Variants in CCDC170 observed in about 807,000 individuals in gnomAD.
CCDC170 encodes coiled-coil domain-containing protein 170.
A neutral mutation model predicts 72.6 loss-of-function variants in CCDC170; 69 were observed. That is an observed-to-expected ratio of 0.95 (90% CI 0.78 to 1.16). The LOEUF (loss-of-function observed/expected upper bound fraction) is 1.16. CCDC170 is among the 50% of genes most tolerant of loss of function. CCDC170 has a pLI of 0.00. For missense variants in CCDC170, 852 were observed against 832.5 expected (o/e 1.02, Z -0.29); for synonymous variants, 300 against 303.9 (o/e 0.99, Z 0.13).
At chr6:151,604,260 AT>A (rs34498010) in intron 9 of CCDC170, among the ~76,000 whole-genome samples, 1 of 151,986 alleles carries the variant, frequency 6.6e-6, no homozygotes, top group East Asian at 1.9e-4. Context: ...GCCTTTCTTA[AT>A]TTTTTTCCCC....
At chr6:151,544,829 C>T in intron 4 of CCDC170, 113 bp downstream of exon 4, 3 of 957,816 alleles carry the variant, frequency 3.1e-6, no homozygotes, top group Non-Finnish European at 4.7e-6. Flanking sequence ...CACAGTAGAC[C>T]AAGTGTAGTA....
At chr6:151,525,152 T>A (rs1380938270) in intron 1 of CCDC170, among the ~76,000 whole-genome samples, 1 of 152,180 alleles carries the variant, frequency 6.6e-6, no homozygotes, top group Non-Finnish European at 1.5e-5. Context: ...CAGGATAGTC[T>A]CAATCTCCTG....
intron 1 of CCDC170, among the ~76,000 whole-genome samples, chr6:151,511,146 C>T (rs190387589): frequency 4.8e-4 from 73 of 152,296 alleles, no homozygotes; most frequent in African/African-American, 1.4e-3. Context: ...CTGTCTACTA[C>T]GCTTTCCAGT....
chr6:151,517,737 C>T (rs758703793), intron 1 of CCDC170, among the ~76,000 whole-genome samples: 27 of 152,134 alleles, frequency 1.8e-4, no homozygotes, highest in Non-Finnish European at 2.2e-4. Context: ...CCACCGTGCC[C>T]GGCCACTAAT....
intron 1 of CCDC170, among the ~76,000 whole-genome samples, chr6:151,529,806 G>T (rs1426925948): frequency 6.6e-6 from 1 of 152,162 alleles, no homozygotes; most frequent in Non-Finnish European, 1.5e-5. Context: ...GAATACCACA[G>T]ACTGAGTAAT....
intron 5 of CCDC170, among the ~76,000 whole-genome samples, chr6:151,557,612 A>G (rs1783004450): frequency 6.6e-6 from 1 of 152,172 alleles, no homozygotes; most frequent in Non-Finnish European, 1.5e-5. Context: ...AGAAATCTCC[A>G]TACTGTGTTC....
At chr6:151,502,407 C>T (rs1782005213) in intron 1 of CCDC170, among the ~76,000 whole-genome samples, 1 of 152,206 alleles carries the variant, frequency 6.6e-6, no homozygotes, top group Non-Finnish European at 1.5e-5. Flanking sequence ...ACTGAAATGA[C>T]TTCCTTTTCA....
At chr6:151,553,987 C>T (rs11759804) in intron 5 of CCDC170, among the ~76,000 whole-genome samples, 24,009 of 152,040 alleles carry the variant, frequency 0.16, 2,365 homozygotes, top group East Asian at 0.5. Flanking sequence ...GTGGTTTCTA[C>T]ATAACTCAGC....
chr6:151,531,319 C>T (rs1000879515), intron 1 of CCDC170, among the ~76,000 whole-genome samples: 11 of 152,156 alleles, frequency 7.2e-5, no homozygotes, highest in Non-Finnish European at 1.3e-4. Context: ...AAAATAAAAT[C>T]AGGCCAGGCA....
intron 5 of CCDC170, among the ~76,000 whole-genome samples, chr6:151,568,993 A>G (rs1776179655): frequency 6.6e-6 from 1 of 152,228 alleles, no homozygotes; most frequent in Admixed American, 6.5e-5. Context: ...TTTGTTATGT[A>G]TTTATGCCAA....
rs555873152 is a variant in CCDC170 at position 151,564,588 on chromosome 6, G to T, written c.775-8586G>T. On this transcript the variant is annotated intron_variant, in intron 5 of 10. Coordinates refer to ENST00000239374, the MANE Select transcript of CCDC170 (RefSeq NM_025059.4). ...CTTTGGCTCTCAAGCTGTCTGTGCTGGTGTTGACAGTGGCTGTGATGGCTG... is the reference window on the plus strand; with the variant it reads ...CTTTGGCTCTCAAGCTGTCTGTGCTTGTGTTGACAGTGGCTGTGATGGCTG... 8.7e-4 allele frequency among the ~76,000 whole-genome samples: 132 copies of T among 152,296 alleles called. 1 individual carries two copies. Among genetic ancestry groups the T allele is most frequent in the African/African-American group, 3.1e-3 (127 of 41,562 alleles).
At chr6:151,525,056 C>T (rs1416105998) in intron 1 of CCDC170, among the ~76,000 whole-genome samples, 1 of 151,812 alleles carries the variant, frequency 6.6e-6, no homozygotes, top group African/African-American at 2.4e-5. Context: ...CTTCAGCCTC[C>T]CTAGTGGCTG....
intron 6 of CCDC170, among the ~76,000 whole-genome samples, chr6:151,585,482 C>G (rs1159987661): frequency 1.3e-5 from 2 of 152,186 alleles, no homozygotes; most frequent in African/African-American, 4.8e-5. Flanking sequence ...ATCTCACTGT[C>G]TAATCTTAAG....
intron 1 of CCDC170, among the ~76,000 whole-genome samples, chr6:151,522,568 C>T (rs1020875020): frequency 2.0e-5 from 3 of 152,106 alleles, no homozygotes; most frequent in African/African-American, 7.2e-5. Flanking sequence ...TTAGTTTAGC[C>T]TGTGCAGTCT....
At chr6:151,604,355 G>A (rs1044360102) in intron 9 of CCDC170, among the ~76,000 whole-genome samples, 9 of 152,020 alleles carry the variant, frequency 5.9e-5, no homozygotes, top group African/African-American at 1.7e-4. Context: ...ACTTCTGAAC[G>A]TATACAGCAA....
rs141854989 is a variant in CCDC170, at chr6:151,534,499, C to T, written c.58-1819C>T. On this transcript the variant is annotated intron_variant, in intron 1 of 10. Transcript: ENST00000239374. ...TATAGGTGAAATCTCTTATAAGTGA[C>T]GTATGTCCTCATATGGCCTAGTTTA... Among the ~76,000 whole-genome samples, 106 of 152,118 alleles carry T rather than the reference C, an allele frequency of 7.0e-4. No homozygotes were observed. The East Asian group carries it at 0.013, about 19-fold the overall frequency.
At chr6:151,509,669 A>G (rs1219087450) in intron 1 of CCDC170, among the ~76,000 whole-genome samples, 1 of 152,222 alleles carries the variant, frequency 6.6e-6, no homozygotes, top group Non-Finnish European at 1.5e-5. Flanking sequence ...TTTATGAATT[A>G]ATTAAAATTA....
intron 5 of CCDC170, among the ~76,000 whole-genome samples, chr6:151,560,506 G>A (rs1412305176): frequency 6.6e-6 from 1 of 152,126 alleles, no homozygotes; most frequent in African/African-American, 2.4e-5. Context: ...TTTAAGTCCA[G>A]ACCTTCTTTG....
chr6:151,522,920 C>A (rs1583008406), intron 1 of CCDC170, among the ~76,000 whole-genome samples: 2 of 152,124 alleles, frequency 1.3e-5, no homozygotes, highest in East Asian at 3.9e-4. Flanking sequence ...TCTTTTATTC[C>A]TTTACTTTCT....
Sources: allele counts gnomAD v4.1 joint callset (sites outside exome capture counted in the v4.1 genomes callset), GRCh38; gene constraint gnomAD v4.1.1; transcripts MANE v1.5; gene names NCBI Gene and HGNC (gene_info 2026-07-23, HGNC 2026-07-21).